PTPRS: variants seen among roughly 807,000 people sequenced by gnomAD.
The protein encoded by PTPRS is receptor-type tyrosine-protein phosphatase S.
PTPRS carries 63 observed loss-of-function variants against 215.3 expected under a neutral mutation model. The ratio of observed to expected loss-of-function variants is 0.29; its 90% CI spans 0.24 to 0.36. The LOEUF is 0.36. Among genes scored for constraint, PTPRS ranks in the 10% least tolerant of loss-of-function variants. The pLI, the probability that PTPRS is intolerant of heterozygous loss-of-function variation, is 1.00. For synonymous variants in PTPRS, 1,404 were observed against 1,191.4 expected (o/e 1.18, Z -3.68); for missense variants, 2,258 against 2,825.8 (o/e 0.80, Z 4.56).
chr19:5,324,591 G>T (rs995181974), intron 1 of PTPRS, among the ~76,000 whole-genome samples: 57 of 152,294 alleles, frequency 3.7e-4, no homozygotes, highest in Non-Finnish European at 1.5e-5. Context: ...AAGGGGGGAG[G>T]CCCCCAGGTG....
intron 9 of PTPRS, among the ~76,000 whole-genome samples, chr19:5,255,593 GA>G (rs200212584): frequency 1.6e-4 from 22 of 136,850 alleles, no homozygotes; most frequent in East Asian, 4.2e-4. Flanking sequence ...AAAGAAAAAA[GA>G]AAAAAAAAAG....
chr19:5,281,685 G>A (rs2047863099), intron 2 of PTPRS, among the ~76,000 whole-genome samples: 1 of 152,196 alleles, frequency 6.6e-6, no homozygotes, highest in South Asian at 2.1e-4. Flanking sequence ...CCAAGGACAT[G>A]AGGAAAAGTC....
At chr19:5,218,310 A>G in intron 25 of PTPRS, 110 bp downstream of exon 25, 1 of 866,450 alleles carries the variant, frequency 1.2e-6, no homozygotes, top group Non-Finnish European at 1.9e-6. Context: ...TGGCTGCACC[A>G]AGCATAGTTC....
At chr19:5,250,349 G>A (rs1029542644) in intron 9 of PTPRS, among the ~76,000 whole-genome samples, 8 of 152,186 alleles carry the variant, frequency 5.3e-5, no homozygotes, top group Non-Finnish European at 7.4e-5. Flanking sequence ...GCGGGTGACT[G>A]ACGCTGTGTT....
intron 1 of PTPRS, among the ~76,000 whole-genome samples, chr19:5,330,982 G>A (rs1005945004): frequency 6.6e-6 from 1 of 152,176 alleles, no homozygotes; most frequent in African/African-American, 2.4e-5. Context: ...GGACAGATGT[G>A]CAGAGGGAAC....
At position 5,295,688 on chromosome 19, in the gene PTPRS, T is replaced by C. The variant is rs950921974; in HGVS notation, c.-94-9454A>G. 1.3e-5 allele frequency among the ~76,000 whole-genome samples: 2 copies of C among 152,182 alleles called. No individual in the cohort carries two copies. Among genetic ancestry groups the C allele is most frequent in the African/African-American group, 4.8e-5 (2 of 41,442 alleles). ...CTCACCCAGGAGAGCCCCTCCGACC[T>C]TATTCTCCTCCAAAGGCCACACTGT... is the stretch of plus-strand genomic sequence containing the variant. On this transcript the variant is annotated intron_variant, in intron 1 of 37. Transcript: ENST00000262963. This position sits in a 1 kb window ranked among gnomAD's most constrained non-coding sequence, Gnocchi z 4.6.
intron 35 of PTPRS, among the ~76,000 whole-genome samples, chr19:5,209,187 A>C (rs2040640086): frequency 6.6e-6 from 1 of 152,028 alleles, no homozygotes; most frequent in African/African-American, 2.4e-5. Context: ...GGCATCTTCC[A>C]CTGACTGTCT....
At chr19:5,206,942 C>T (rs1451373407) in intron 37 of PTPRS, 100 bp from the exon 38 acceptor site, 5 of 1,075,716 alleles carry the variant, frequency 4.6e-6, no homozygotes, top group Middle Eastern at 2.0e-4. Context: ...CAGCCTTGTG[C>T]GTGTCTCTTG....
chr19:5,251,429 C>CTTT (rs60058565), intron 9 of PTPRS, among the ~76,000 whole-genome samples: 15 of 136,750 alleles, frequency 1.1e-4, no homozygotes, highest in African/African-American at 3.8e-4. Flanking sequence ...GCTCTAGATA[C>CTTT]TTTTTTTTTT....
intron 30 of PTPRS, among the ~76,000 whole-genome samples, chr19:5,213,063 C>G (rs577015683): frequency 6.6e-6 from 1 of 152,166 alleles, no homozygotes; most frequent in Non-Finnish European, 1.5e-5. Flanking sequence ...GGGAGTCACC[C>G]TTAACTCTTC....
intron 2 of PTPRS, among the ~76,000 whole-genome samples, chr19:5,283,852 C>T (rs970264759): frequency 1.3e-5 from 2 of 151,902 alleles, no homozygotes; most frequent in Non-Finnish European, 2.9e-5. Context: ...TTGGGAGGAT[C>T]GCTTAAATCT....
chr19:5,316,018 G>A (rs1013939745), intron 1 of PTPRS, among the ~76,000 whole-genome samples: 29 of 149,596 alleles, frequency 1.9e-4, no homozygotes, highest in Non-Finnish European at 2.8e-4. Context: ...CTGGCCTCAA[G>A]CGATCCCTCC....
intron 6 of PTPRS, among the ~76,000 whole-genome samples, chr19:5,261,028 G>C (rs960885784): frequency 2.0e-5 from 3 of 152,224 alleles, no homozygotes; most frequent in African/African-American, 7.2e-5. Flanking sequence ...TGAGGTCTGA[G>C]GGCTTGTCAA....
rs1042776388 is a variant in PTPRS, at chr19:5,208,005, G to A, written c.5695C>T (p.Arg1899Trp). ...VFITLSIVLE[R>W]MRYEGVVDIF... Reference sequence around the variant, plus strand: ...TCCACCACGCCTTCATACCGCATCCGCTCCAGCACGATGCTAAGCGTGATG... The same window carrying A: ...TCCACCACGCCTTCATACCGCATCCACTCCAGCACGATGCTAAGCGTGATG... Residue 1899 changes from arginine to tryptophan, a missense_variant, in exon 37 of 38, where the codon CGG (arginine) becomes TGG (tryptophan). Arg to Trp is a moderately radical substitution (Grantham distance 101). Transcript: ENST00000262963. 5.6e-6 allele frequency: 9 copies of A among 1,613,836 alleles called. No homozygotes were observed. The highest frequency in any genetic ancestry group is 6.8e-6 in the Non-Finnish European group (8 of 1,180,034).
chr19:5,314,413 AGCCCCTGGATCCAACTAT>A (rs1172346397), intron 1 of PTPRS, among the ~76,000 whole-genome samples: 1 of 152,056 alleles, frequency 6.6e-6, no homozygotes, highest in Non-Finnish European at 1.5e-5. Context: ...ATCTTGTTTG[AGCCCCTGGATCCAACTAT>A]GCCTGAAGGT....
At chr19:5,224,536 G>T (rs2042304227) in intron 17 of PTPRS, among the ~76,000 whole-genome samples, 2 of 152,138 alleles carry the variant, frequency 1.3e-5, no homozygotes, top group African/African-American at 4.8e-5. Flanking sequence ...AGAGGTTCTG[G>T]GATCAGGCAA....
intron 1 of PTPRS, among the ~76,000 whole-genome samples, chr19:5,340,087 G>A (rs1210909111): frequency 1.3e-5 from 2 of 151,812 alleles, no homozygotes; most frequent in Non-Finnish European, 2.9e-5. Context: ...AGGGGAGGGA[G>A]ACCCGGAGAG....
rs1555757550 is a variant in PTPRS at position 5,228,345 on chromosome 19, G to GGAAAAAAAAAAAA, written c.2376+970_2376+971insTTTTTTTTTTTTC. ...GGGCGATAGTGTGAGACTCCGTCTG[G>GGAAAAAAAAAAAA]AGAAAAAAAAAAAAAAAAGAGACAG... is the stretch of plus-strand genomic sequence containing the variant. On this transcript the variant is annotated intron_variant, in intron 16 of 37. Coordinates refer to ENST00000262963, the MANE Select transcript of PTPRS (RefSeq NM_002850.4). 6.0e-4 allele frequency among the ~76,000 whole-genome samples: 20 copies of GGAAAAAAAAAAAA among 33,242 alleles called. 1 individual carries two copies. The highest frequency in any genetic ancestry group is 1.2e-3 in the Non-Finnish European group (18 of 15,496). The allele number at this position is 33,242 out of a possible 152,430, so 21.8% of individuals were successfully genotyped here. A position where few individuals can be genotyped will look rare whatever the true frequency, so the allele number is the denominator to read the frequency against.
intron 4 of PTPRS, among the ~76,000 whole-genome samples, chr19:5,267,215 C>T (rs1459663018): frequency 2.8e-5 from 3 of 105,980 alleles, no homozygotes; most frequent in Admixed American, 9.2e-5. Flanking sequence ...GATGTGGGGG[C>T]GGGGGGGAGC....
Sources: allele counts gnomAD v4.1 joint callset (sites outside exome capture counted in the v4.1 genomes callset), GRCh38; gene constraint gnomAD v4.1.1; non-coding constraint Gnocchi (gnomAD v3.1); transcripts MANE v1.5; gene names NCBI Gene and HGNC (gene_info 2026-07-23, HGNC 2026-07-21).